Variants in KLHL41 observed in about 807,000 individuals in gnomAD.
KLHL41 encodes the protein kelch-like protein 41.
A neutral mutation model predicts 49.2 loss-of-function variants in KLHL41; 31 were observed. The observed-to-expected ratio is 0.63, with a 90% CI of 0.47 to 0.85. KLHL41 has a LOEUF of 0.85. Among genes scored for constraint, KLHL41 ranks in the 40% least tolerant of loss-of-function variants. KLHL41 has a pLI of 0.00. For synonymous variants in KLHL41, 218 were observed against 258.5 expected, an observed-to-expected ratio of 0.84 and a Z score of 1.50; for missense variants, 663 against 726.7, an observed-to-expected ratio of 0.91 and a Z score of 1.01.
In KLHL41 at chr2:169,514,692, C is replaced by G; in HGVS notation, c.1229C>G (p.Thr410Arg). ...IYVVAGKDLQ[T>R]EASLDSVLCY... ...GTAGTTGCAGGCAAAGACCTTCAAA[C>G]AGAGGCTTCGCTGGATTCAGTATTA... The change falls in exon 2 of 6, where the codon ACA becomes AGA. Residue 410 changes from threonine to arginine, a missense_variant. Thr to Arg is a moderately conservative substitution (Grantham distance 71). Around this residue, in one of 3 missense-constraint regions of KLHL41, gnomAD observed 528 missense variants for 581.0 expected, o/e 0.91. Transcript: ENST00000284669. 4 of 1,614,056 alleles carry G rather than the reference C, an allele frequency of 2.5e-6. No homozygotes were observed. The highest frequency in any genetic ancestry group is 3.4e-6 in the Non-Finnish European group (4 of 1,179,980).
At chr2:169,521,080 C>T (rs1381620950) in intron 5 of KLHL41, 73 bp downstream of exon 5, 1 of 1,423,912 alleles carries the variant, frequency 7.0e-7, no homozygotes, top group East Asian at 2.3e-5. Flanking sequence ...TTGTAGTAAA[C>T]AATAAGCCAG....
At chr2:169,523,018 C>T (rs961270681) in intron 5 of KLHL41, among the ~76,000 whole-genome samples, 3 of 152,008 alleles carry the variant, frequency 2.0e-5, no homozygotes, top group Non-Finnish European at 4.4e-5. Flanking sequence ...CCACCGAGCC[C>T]AGCCCCAGAT....
In KLHL41 at chr2:169,510,539, T is replaced by C. The variant is rs1438479234; in HGVS notation, c.761T>C (p.Val254Ala). Residue 254 changes from valine (V) to alanine (A), a missense_variant, in exon 1 of 6, where the codon GTT (valine) becomes GCT (alanine). By Grantham distance (64) the Val-to-Ala change is moderately conservative. Coordinates refer to ENST00000284669, the MANE Select transcript of KLHL41 (RefSeq NM_006063.3). This position sits in a 1 kb window ranked among gnomAD's most constrained non-coding sequence, Gnocchi z 4.2. ...SNPDLQKKIKVLKDAFAGKLP... is the reference protein window; with the variant it reads ...SNPDLQKKIKALKDAFAGKLP... ...CCAGACCTCCAGAAAAAAATCAAAG[T>C]TCTAAAAGATGCTTTCGCAGGCAAA... The C allele has an allele frequency of 6.2e-7, 1 of 1,613,966 alleles. No homozygotes were observed. The highest frequency in any genetic ancestry group is 8.5e-7 in the Non-Finnish European group (1 of 1,179,972).
At chr2:169,517,948 C>T (rs944484302) in intron 3 of KLHL41, among the ~76,000 whole-genome samples, 3 of 151,970 alleles carry the variant, frequency 2.0e-5, no homozygotes, top group Non-Finnish European at 4.4e-5. Context: ...ATCAGCTGTG[C>T]CTGGGGTTCT....
intron 1 of KLHL41, among the ~76,000 whole-genome samples, chr2:169,513,067 G>A (rs184019435): frequency 1.6e-4 from 24 of 152,250 alleles, no homozygotes; most frequent in Non-Finnish European, 2.2e-4. Flanking sequence ...GTAGTCTACT[G>A]TTCCATCTGC....
At chr2:169,516,113 A>T (rs1168632291) in intron 3 of KLHL41, among the ~76,000 whole-genome samples, 1 of 152,230 alleles carries the variant, frequency 6.6e-6, no homozygotes, top group African/African-American at 2.4e-5. Flanking sequence ...TGCCCCTGAA[A>T]AATCTGCCTG....
chr2:169,520,988 G>A lies in KLHL41; in HGVS notation c.1690G>A (p.Glu564Lys). 1 of 1,613,768 alleles carries A rather than the reference G, an allele frequency of 6.2e-7. No individual in the cohort carries two copies. The highest frequency in any genetic ancestry group is 8.5e-7 in the Non-Finnish European group (1 of 1,179,864). Reference sequence around the variant, plus strand: ...GGAGTCTAAAGAATTTGCACCCACTGAAGTCAATGACATATGGAAGTAAGT... The same window carrying A: ...GGAGTCTAAAGAATTTGCACCCACTAAAGTCAATGACATATGGAAGTAAGT... Reference protein sequence around the residue: ...QLESKEFAPTEVNDIWKYEDD... With the variant: ...QLESKEFAPTKVNDIWKYEDD... The change falls in exon 5 of 6, where the codon GAA (glutamate) becomes AAA (lysine). Residue 564 changes from glutamate (E) to lysine (K), a missense_variant. By Grantham distance (56) the Glu-to-Lys change is moderately conservative. This residue lies in a region of KLHL41 where 528 missense variants were observed against 581.0 expected (regional missense o/e 0.91). Coordinates refer to ENST00000284669, the MANE Select transcript of KLHL41 (RefSeq NM_006063.3).
At chr2:169,524,919 T>C (rs1684278520) in intron 5 of KLHL41, among the ~76,000 whole-genome samples, 1 of 152,136 alleles carries the variant, frequency 6.6e-6, no homozygotes, top group African/African-American at 2.4e-5. Context: ...AGGCGGCATT[T>C]AGAAGCTTCC....
At position 169,509,721 on chromosome 2, in the gene KLHL41, T is replaced by TG. The variant is rs1178088494; in HGVS notation, c.-57dup. 4 of 1,526,892 alleles carry TG rather than the reference T, an allele frequency of 2.6e-6. No homozygotes were observed. The East Asian group carries it at 9.0e-5, about 34-fold the overall frequency. The allele number at this position is 1,526,892 out of a possible 1,614,324, so 94.6% of individuals were successfully genotyped here. On this transcript the variant is annotated 5_prime_UTR_variant, in exon 1 of 6. Transcript: ENST00000284669. Reference sequence around the variant, plus strand: ...ATCTGCCTTTTTACAGCTAGACCTGTGTGCTGCAAGGAGCTAAGGCCTTCA... The same window carrying TG: ...ATCTGCCTTTTTACAGCTAGACCTGTGGTGCTGCAAGGAGCTAAGGCCTTCA...
chr2:169,516,954 G>A (rs1280032116), intron 3 of KLHL41, among the ~76,000 whole-genome samples: 1 of 152,200 alleles, frequency 6.6e-6, no homozygotes, highest in Non-Finnish European at 1.5e-5. Context: ...CCGGGAGACA[G>A]TGAGCTGATA....
rs946885330 is a variant in KLHL41, at chr2:169,521,681, C to T, written c.1709+674C>T. 2.0e-5 allele frequency among the ~76,000 whole-genome samples: 3 copies of T among 152,334 alleles called. No individual in the cohort carries two copies. The South Asian group carries it at 6.2e-4, about 32-fold the overall frequency. On this transcript the variant is annotated intron_variant, in intron 5 of 5. Coordinates refer to ENST00000284669, the MANE Select transcript of KLHL41 (RefSeq NM_006063.3). ...GTGCTAGGATTACAGGCGTGAGCCA[C>T]GTACCCAGCCTAAAGAAACATTTAA...
intron 4 of KLHL41, among the ~76,000 whole-genome samples, chr2:169,520,152 CTG>C (rs59155387): frequency 0.023 from 2,362 of 104,914 alleles, 45 homozygotes; most frequent in African/African-American, 0.05. Context: ...AGGCCTAGCT[CTG>C]TGTGTGTGTG....
In KLHL41 at chr2:169,510,094, A is replaced by AT. The variant is rs1249888940; in HGVS notation, c.321dup (p.Ala108CysfsTer27). 1 of 1,613,996 alleles carries AT rather than the reference A, an allele frequency of 6.2e-7. No individual in the cohort carries two copies. The highest frequency in any genetic ancestry group is 1.3e-5 in the African/African-American group (1 of 74,926). ...TCTCAATGACGGAAATGTGCAAGAT[A>AT]TTTTTGCATTGGCCAGCCGCTTTCA... On this transcript the variant is annotated frameshift_variant, in exon 1 of 6. Coordinates refer to ENST00000284669, the MANE Select transcript of KLHL41 (RefSeq NM_006063.3). LOFTEE classifies it high-confidence loss of function. This position sits in a 1 kb window ranked among gnomAD's most constrained non-coding sequence, Gnocchi z 4.2.
rs1388823545 is a variant in KLHL41, at chr2:169,522,401, GA to G, written c.1709+1402del. Among the ~76,000 whole-genome samples the G allele has an allele frequency of 2.0e-5, 3 of 151,782 alleles. 1 individual carries two copies. The highest frequency in any genetic ancestry group is 4.2e-4 in the South Asian group (2 of 4,794). ...TCCCCCCAAAAAAGAGGGAGAAAGA[GA>G]AAAAAAATGAGATTTCCACGGAGCA... On this transcript the variant is annotated intron_variant, in intron 5 of 5. Transcript: ENST00000284669.
chr2:169,514,537 A>G (rs1347471731), intron 1 of KLHL41, 37 bp from the exon 2 acceptor site: 3 of 1,573,664 alleles, frequency 1.9e-6, no homozygotes, highest in African/African-American at 2.7e-5. Context: ...ATTTTTTTCT[A>G]ACAGGCTCCA....
intron 5 of KLHL41, among the ~76,000 whole-genome samples, chr2:169,523,216 T>C (rs1684228843): frequency 6.6e-6 from 1 of 152,222 alleles, no homozygotes; most frequent in Non-Finnish European, 1.5e-5. Context: ...CCTGACATTG[T>C]TTAGGGAACC....
chr2:169,510,931 C>T lies in KLHL41; in HGVS notation c.1110+43C>T. On this transcript the variant is annotated intron_variant, in intron 1 of 5. Transcript: ENST00000284669. This position sits in a 1 kb window ranked among gnomAD's most constrained non-coding sequence, Gnocchi z 4.2. The stretch of plus-strand genomic sequence containing the variant: ...TATATGTAGTTGCTTAAAGGGAAGG[C>T]TGTTACTCACCATCCAGTTAGCCAA... 6.6e-7 allele frequency: 1 copy of T among 1,512,964 alleles called. No individual in the cohort carries two copies. Among genetic ancestry groups the T allele is most frequent in the East Asian group, 2.3e-5 (1 of 44,342 alleles). 93.7% of individuals were successfully genotyped at this position (1,512,964 alleles called of 1,614,324 possible).
rs1168210084 is a variant in KLHL41 at position 169,514,688 on chromosome 2, C to A, written c.1225C>A (p.Gln409Lys). ...CTATGTAGTTGCAGGCAAAGACCTT[C>A]AAACAGAGGCTTCGCTGGATTCAGT... is the stretch of plus-strand genomic sequence containing the variant. ...KIYVVAGKDL[Q>K]TEASLDSVLC... Residue 409 changes from glutamine (Q) to lysine (K), a missense_variant, in exon 2 of 6, where the codon CAA becomes AAA. Transcript: ENST00000284669. The A allele has an allele frequency of 5.6e-6, 9 of 1,613,956 alleles. No homozygotes were observed. In the African/African-American group the frequency reaches 1.1e-4, roughly 19 times the overall value.
intron 4 of KLHL41, among the ~76,000 whole-genome samples, chr2:169,518,894 G>T (rs866903233): frequency 3.9e-5 from 6 of 151,914 alleles, no homozygotes; most frequent in African/African-American, 1.2e-4. Context: ...TGTCCATACT[G>T]GTCTCTAACT....
Sources: allele counts gnomAD v4.1 joint callset (sites outside exome capture counted in the v4.1 genomes callset), GRCh38; gene constraint gnomAD v4.1.1; regional missense constraint gnomAD v4.1.1; non-coding constraint Gnocchi (gnomAD v3.1); transcripts MANE v1.5; gene names NCBI Gene and HGNC (gene_info 2026-07-23, HGNC 2026-07-21).